The following NOP53 variants were observed in gnomAD, a reference collection of about 807,000 sequenced individuals.
NOP53 encodes the protein NOP53 ribosome biogenesis factor.
NOP53 carries 40 observed loss-of-function variants against 61.0 expected under a neutral mutation model. The ratio of observed to expected loss-of-function variants is 0.66; its 90% CI spans 0.51 to 0.85. The LOEUF (loss-of-function observed/expected upper bound fraction) is 0.85, where lower values mean the gene tolerates loss of function less well. NOP53 is among the 40% of genes least tolerant of loss of function. The pLI is 0.00. For synonymous variants in NOP53, 308 were observed against 289.5 expected (o/e 1.06, Z -0.65); for missense variants, 689 against 652.9 (o/e 1.06, Z -0.60).
At chr19:47,747,066 TATTC>T in intron 2 of NOP53, 35 bp downstream of exon 2, 1 of 1,506,418 alleles carries the variant, frequency 6.6e-7, no homozygotes, top group South Asian at 1.1e-5. Flanking sequence ...GAATGGCGGT[TATTC>T]ATTGTTAGTC....
rs6146540 is a variant in NOP53, at chr19:47,745,860, CGTCGGGGGTCGGGG to C, written c.224+94_224+107del. The stretch of plus-strand genomic sequence containing the variant: ...AAGGCCAGGCGTGCTTGCGTGGACT[CGTCGGGGGTCGGGG>C]GTCGGGGGTCGGGGGTTGGGGGCTC... On this transcript the variant is annotated intron_variant, in intron 1 of 12. Transcript: ENST00000246802. The C allele has an allele frequency of 1.1e-4, 25 of 217,422 alleles. 4 individuals carry two copies. Among genetic ancestry groups the C allele is most frequent in the East Asian group, 3.4e-4 (3 of 8,770 alleles). The allele number at this position is 217,422 out of a possible 1,614,324, so 13.5% of individuals were successfully genotyped here.
At position 47,754,869 on chromosome 19, in the gene NOP53, G is replaced by A. The variant is rs756258172; in HGVS notation, c.1031G>A (p.Arg344Gln). The part of the protein sequence containing the change: ...TEKKTEQQRR[R>Q]EKAVHRLRVQ... ...AAGAAGACGGAGCAGCAGCGGCGGC[G>A]GGAGAAGGCTGTGCACAGGCTGGTG... is the stretch of plus-strand genomic sequence containing the variant. The change falls in exon 8 of 13, where the codon CGG becomes CAG. Residue 344 changes from arginine (R) to glutamine (Q), a missense_variant. Physicochemically the swap from Arg to Gln is conservative, Grantham distance 43 (BLOSUM62 1). Coordinates refer to ENST00000246802, the MANE Select transcript of NOP53 (RefSeq NM_015710.5). This position sits in a 1 kb window ranked among gnomAD's most constrained non-coding sequence, Gnocchi z 4.2. 19 of 1,525,122 alleles carry A rather than the reference G, an allele frequency of 1.2e-5. No homozygotes were observed. In the East Asian group the frequency reaches 1.7e-4, roughly 13 times the overall value. The allele number at this position is 1,525,122 out of a possible 1,614,324, so 94.5% of individuals were successfully genotyped here. A position where few individuals can be genotyped will look rare whatever the true frequency, so the allele number is the denominator to read the frequency against.
chr19:47,746,130 ATATATATG>A lies in NOP53; in HGVS notation c.224+349_224+356del. The A allele has an allele frequency of 1.0e-5, 3 of 286,182 alleles. No homozygotes were observed. In the South Asian group the frequency reaches 1.7e-4, roughly 16 times the overall value. The allele number at this position is 286,182 out of a possible 1,614,324, so 17.7% of individuals were successfully genotyped here. On this transcript the variant is annotated intron_variant, in intron 1 of 12. Transcript: ENST00000246802. ...TGTGTGTATGTATATATGTGTGTGTATATATATGTGTATATGTGTGTATATATATATGT... is the reference window on the plus strand; with the variant it reads ...TGTGTGTATGTATATATGTGTGTGTATGTATATGTGTGTATATATATATGT...
chr19:47,756,021 C>T lies in NOP53; in HGVS notation c.1296+199C>T, dbSNP rs115883481. On this transcript the variant is annotated intron_variant, in intron 10 of 12. Coordinates refer to ENST00000246802, the MANE Select transcript of NOP53 (RefSeq NM_015710.5). ...CCAGGCTAAGGTTTGAGTCCGGGAC[C>T]CTAAGAAGGCCTTTCCTTCCAGCTG... The T allele has an allele frequency of 5.3e-3, 3,124 of 590,288 alleles. 78 individuals carry two copies. The highest frequency in any genetic ancestry group is 0.053 in the African/African-American group (2,817 of 53,582). The allele number at this position is 590,288 out of a possible 1,614,324, so 36.6% of individuals were successfully genotyped here.
chr19:47,753,115 T>C, intron 6 of NOP53: 1 of 156,340 alleles, frequency 6.4e-6, no homozygotes, highest in Non-Finnish European at 1.4e-5. Context: ...AGCGGGCATC[T>C]GTTGAGCACA....
At chr19:47,751,262 G>GT in intron 4 of NOP53, 155 bp downstream of exon 4, 1 of 729,034 alleles carries the variant, frequency 1.4e-6, no homozygotes, top group South Asian at 1.7e-5. Flanking sequence ...AGGGGCGGCC[G>GT]TTTCCCACTC....
Position 47,754,989 on chromosome 19 carries a change from C to T in NOP53, c.1053+98C>T, listed in dbSNP as rs1008248122. 3.5e-6 allele frequency: 4 copies of T among 1,137,456 alleles called. No individual in the cohort carries two copies. The East Asian group carries it at 8.1e-5, about 23-fold the overall frequency. The allele number at this position is 1,137,456 out of a possible 1,614,324, so 70.5% of individuals were successfully genotyped here. On this transcript the variant is annotated intron_variant, in intron 8 of 12. Transcript: ENST00000246802. This position sits in a 1 kb window ranked among gnomAD's most constrained non-coding sequence, Gnocchi z 4.2. Reference sequence around the variant, plus strand: ...CCCTGGGTGCTGCGGGCAGCCTGCACACCCCAAGCCCCGCATGTGGCCTGT... The same window carrying T: ...CCCTGGGTGCTGCGGGCAGCCTGCATACCCCAAGCCCCGCATGTGGCCTGT...
intron 1 of NOP53, 62 bp downstream of exon 1, chr19:47,745,845 G>A: frequency 5.3e-6 from 4 of 752,680 alleles, no homozygotes; most frequent in Non-Finnish European, 7.1e-6. Flanking sequence ...AAGGCCAGGC[G>A]TGCTTGCGTG....
chr19:47,755,516 C>G lies in NOP53; in HGVS notation c.1222C>G (p.Arg408Gly). Residue 408 changes from arginine (R) to glycine (G), a missense_variant, in exon 9 of 13, where the codon CGG (arginine) becomes GGG (glycine). Physicochemically the swap from Arg to Gly is moderately radical, Grantham distance 125 (BLOSUM62 -2). Transcript: ENST00000246802. Reference sequence around the variant, plus strand: ...GGCTGACAAGCCCCGAAGGCTGGGGCGGCTCAAGTGAGAACCAGGCCGGGG... The same window carrying G: ...GGCTGACAAGCCCCGAAGGCTGGGGGGGCTCAAGTGAGAACCAGGCCGGGG... ...AEADKPRRLG[R>G]LKYQAPDIDV... is the part of the protein sequence containing the mutation. 1 of 1,469,414 alleles carries G rather than the reference C, an allele frequency of 6.8e-7. No individual in the cohort carries two copies. Among genetic ancestry groups the G allele is most frequent in the Non-Finnish European group, 9.0e-7 (1 of 1,114,294 alleles). 91.0% of individuals were successfully genotyped at this position (1,469,414 alleles called of 1,614,324 possible).
intron 10 of NOP53, chr19:47,756,239 T>C: frequency 1.8e-6 from 1 of 547,770 alleles, no homozygotes; most frequent in Non-Finnish European, 3.3e-6. Context: ...ATGAGCGGAC[T>C]GTGCCTTCTC....
At chr19:47,756,926 CAG>C in intron 12 of NOP53, 71 bp from the exon 13 acceptor site, 2 of 1,590,330 alleles carry the variant, frequency 1.3e-6, no homozygotes, top group South Asian at 2.2e-5. Flanking sequence ...AACTGAAAGG[CAG>C]GGGGTGTCAG....
In NOP53 at chr19:47,751,040, A is replaced by C. The variant is rs758333000; in HGVS notation, c.531A>C (p.Ala177=). The change falls in exon 4 of 13, where the codon GCA becomes GCC. Residue 177 remains alanine, a synonymous_variant. Coordinates refer to ENST00000246802, the MANE Select transcript of NOP53 (RefSeq NM_015710.5). Reference sequence around the variant, plus strand: ...AGGCCCGGCTCCTCAACCCTTCTGCAACAAGGGCCAAGCCCGGGCCCCAGG... The same window carrying C: ...AGGCCCGGCTCCTCAACCCTTCTGCCACAAGGGCCAAGCCCGGGCCCCAGG... ...RAQARLLNPS[A]TRAKPGPQDT... 1 of 1,607,016 alleles carries C rather than the reference A, an allele frequency of 6.2e-7. No individual in the cohort carries two copies.
chr19:47,750,163 C>T lies in NOP53; in HGVS notation c.290-15C>T. 3.9e-6 allele frequency: 6 copies of T among 1,554,358 alleles called. No homozygotes were observed. Among genetic ancestry groups the T allele is most frequent in the Non-Finnish European group, 5.3e-6 (6 of 1,126,028 alleles). ...TAGGGCTGAGGCCTTGACTTGTTCT[C>T]TTTCCCATTCTTAGGGCTGACAAAG... On this transcript the variant is annotated splice_polypyrimidine_tract_variant and intron_variant, in intron 2 of 12. Transcript: ENST00000246802.
chr19:47,753,753 T>C (rs1299189133), intron 6 of NOP53: 1 of 152,230 alleles, frequency 6.6e-6, no homozygotes, highest in Non-Finnish European at 1.5e-5. Flanking sequence ...AACTACTTCG[T>C]AGAGATAAAA....
At chr19:47,755,028 T>G in intron 8 of NOP53, 137 bp downstream of exon 8, 1 of 819,122 alleles carries the variant, frequency 1.2e-6, no homozygotes, top group South Asian at 2.0e-5. Flanking sequence ...TTGGGCTGTT[T>G]GGGATCCTCA....
rs1008248122 is a variant in NOP53, at chr19:47,754,989, C to A, written c.1053+98C>A. On this transcript the variant is annotated intron_variant, in intron 8 of 12. Transcript: ENST00000246802. The surrounding 1 kb of genome is among the most constrained non-coding windows in gnomAD (Gnocchi z 4.2). ...CCCTGGGTGCTGCGGGCAGCCTGCA[C>A]ACCCCAAGCCCCGCATGTGGCCTGT... 8.8e-7 allele frequency: 1 copy of A among 1,137,564 alleles called. No homozygotes were observed. The highest frequency in any genetic ancestry group is 1.2e-6 in the Non-Finnish European group (1 of 833,080). The allele number at this position is 1,137,564 out of a possible 1,614,324, so 70.5% of individuals were successfully genotyped here. A position where few individuals can be genotyped will look rare whatever the true frequency, so the allele number is the denominator to read the frequency against.
chr19:47,754,253 G>A lies in NOP53; in HGVS notation c.766-274G>A. On this transcript the variant is annotated intron_variant, in intron 6 of 12. Coordinates refer to ENST00000246802, the MANE Select transcript of NOP53 (RefSeq NM_015710.5). This position sits in a 1 kb window ranked among gnomAD's most constrained non-coding sequence, Gnocchi z 4.2. Reference sequence around the variant, plus strand: ...GATCACACCATTGCACTCCAGTCTGGGCAACAAGACAGAAACTCTATCTCA... The same window carrying A: ...GATCACACCATTGCACTCCAGTCTGAGCAACAAGACAGAAACTCTATCTCA... 1 of 439,130 alleles carries A rather than the reference G, an allele frequency of 2.3e-6. No homozygotes were observed. The highest frequency in any genetic ancestry group is 3.5e-5 in the Admixed American group (1 of 28,294). 27.2% of individuals were successfully genotyped at this position (439,130 alleles called of 1,614,324 possible).
At position 47,746,952 on chromosome 19, in the gene NOP53, A is replaced by G. The variant is rs1339309168; in HGVS notation, c.225-15A>G. 2.5e-6 allele frequency: 4 copies of G among 1,609,930 alleles called. No homozygotes were observed. The highest frequency in any genetic ancestry group is 3.4e-6 in the Non-Finnish European group (4 of 1,176,512). On this transcript the variant is annotated splice_polypyrimidine_tract_variant and intron_variant, in intron 1 of 12. Transcript: ENST00000246802. ...CCAACATCTCTGGCTGATGTTCTGC[A>G]TTTCTGTCCCCCAGTGGCTTGTTGT...
At chr19:47,750,060 A>G in intron 2 of NOP53, 118 bp from the exon 3 acceptor site, 1 of 629,308 alleles carries the variant, frequency 1.6e-6, no homozygotes, top group South Asian at 1.8e-5. Flanking sequence ...GGGACCTCCA[A>G]GTCTCCTGGG....
Sources: allele counts gnomAD v4.1 joint callset, GRCh38; gene constraint gnomAD v4.1.1; non-coding constraint Gnocchi (gnomAD v3.1); transcripts MANE v1.5; gene names NCBI Gene and HGNC (gene_info 2026-07-23, HGNC 2026-07-21).